Variants in LRRFIP2 observed in about 807,000 individuals in gnomAD.
LRRFIP2 encodes LRR binding FLII interacting protein 2.
In LRRFIP2, 109 loss-of-function variants were observed where a neutral mutation model predicts 125.9. That is an observed-to-expected ratio of 0.87 (90% CI 0.74 to 1.01). The LOEUF is 1.01. Ranked by LOEUF, LRRFIP2 falls within the 50% of genes least tolerant of loss-of-function variation. The pLI, the probability that LRRFIP2 is intolerant of heterozygous loss-of-function variation, is 0.00. For synonymous variants in LRRFIP2, 291 were observed against 293.1 expected (o/e 0.99, Z 0.07); for missense variants, 850 against 862.3 (o/e 0.99, Z 0.18).
intron 22 of LRRFIP2, 128 bp downstream of exon 22, chr3:37,066,096 T>C: frequency 7.6e-7 from 1 of 1,317,354 alleles, no homozygotes; most frequent in Non-Finnish European, 1.1e-6. Flanking sequence ...AGCTTCAACC[T>C]ACCAAATCTG....
chr3:37,104,330 ATTAT>A (rs2094212050), intron 14 of LRRFIP2, among the ~76,000 whole-genome samples: 2 of 152,200 alleles, frequency 1.3e-5, no homozygotes. Context: ...CCCAAGCATC[ATTAT>A]TTAAAGTCCC....
chr3:37,117,008 T>C (rs910744524), intron 6 of LRRFIP2, among the ~76,000 whole-genome samples: 2 of 152,004 alleles, frequency 1.3e-5, no homozygotes, highest in African/African-American at 4.8e-5. Flanking sequence ...TGCGTAATAG[T>C]ATGCATTTAA....
At chr3:37,084,923 A>G (rs1286532599) in intron 18 of LRRFIP2, among the ~76,000 whole-genome samples, 1 of 152,206 alleles carries the variant, frequency 6.6e-6, no homozygotes, top group Non-Finnish European at 1.5e-5. Context: ...TACTAGCACA[A>G]ATGTTTATCA....
chr3:37,146,310 A>C (rs1046512937), intron 2 of LRRFIP2, among the ~76,000 whole-genome samples: 1 of 152,070 alleles, frequency 6.6e-6, no homozygotes, highest in Admixed American at 6.5e-5. Flanking sequence ...AAAATATCTC[A>C]CTGATTTTTA....
chr3:37,082,821 G>T (rs1349643237), intron 19 of LRRFIP2, among the ~76,000 whole-genome samples: 1 of 152,024 alleles, frequency 6.6e-6, no homozygotes, highest in Admixed American at 6.6e-5. Flanking sequence ...TAATAATGTT[G>T]GTCTCCTACA....
intron 2 of LRRFIP2, among the ~76,000 whole-genome samples, chr3:37,147,577 C>A (rs1029380731): frequency 1.3e-5 from 2 of 152,148 alleles, no homozygotes; most frequent in African/African-American, 4.8e-5. Flanking sequence ...CAAAAGCTAA[C>A]TGAGCAGCTT....
At chr3:37,155,938 G>A (rs987567485) in intron 1 of LRRFIP2, among the ~76,000 whole-genome samples, 5 of 152,040 alleles carry the variant, frequency 3.3e-5, no homozygotes, top group South Asian at 2.1e-4. Flanking sequence ...GCAATAGTGC[G>A]ACCTTGGCTC....
At chr3:37,161,499 G>A (rs1396749350) in intron 1 of LRRFIP2, among the ~76,000 whole-genome samples, 1 of 152,138 alleles carries the variant, frequency 6.6e-6, no homozygotes, top group East Asian at 1.9e-4. Context: ...GTCCAGAATA[G>A]GTAAATCCAT....
At chr3:37,105,349 G>C (rs2094264918) in intron 14 of LRRFIP2, 106 bp downstream of exon 14, 1 of 893,624 alleles carries the variant, frequency 1.1e-6, no homozygotes, top group African/African-American at 1.7e-5. Context: ...TGAGGAAAAT[G>C]CTCTTTTTGT....
At chr3:37,073,246 T>C (rs2091546130) in intron 20 of LRRFIP2, among the ~76,000 whole-genome samples, 1 of 152,206 alleles carries the variant, frequency 6.6e-6, no homozygotes, top group African/African-American at 2.4e-5. Flanking sequence ...AGAGGGAAAT[T>C]TAGGTTTGCT....
At chr3:37,117,347 AT>A (rs1386121195) in intron 6 of LRRFIP2, among the ~76,000 whole-genome samples, 1 of 152,094 alleles carries the variant, frequency 6.6e-6, no homozygotes, top group Non-Finnish European at 1.5e-5. Flanking sequence ...CCAAAATATA[AT>A]GTAGAATTCA....
intron 2 of LRRFIP2, among the ~76,000 whole-genome samples, chr3:37,136,380 T>C (rs2095555416): frequency 6.6e-6 from 1 of 152,212 alleles, no homozygotes; most frequent in Non-Finnish European, 1.5e-5. Context: ...CACATCTTTG[T>C]GAATATATTA....
chr3:37,056,747 C>T (rs2087002141), intron 25 of LRRFIP2, among the ~76,000 whole-genome samples: 1 of 152,166 alleles, frequency 6.6e-6, no homozygotes, highest in Non-Finnish European at 1.5e-5. Flanking sequence ...TGGACAATTA[C>T]TGTCACCTTA....
In LRRFIP2 at chr3:37,078,671, A is replaced by T. The variant is rs115366070; in HGVS notation, c.1279-3555T>A. Among the ~76,000 whole-genome samples the T allele has an allele frequency of 4.5e-3, 681 of 152,308 alleles. 4 individuals are homozygous for T. The highest frequency in any genetic ancestry group is 0.037 in the Middle Eastern group (11 of 294). On this transcript the variant is annotated intron_variant, in intron 19 of 27. Coordinates refer to ENST00000336686, the MANE Select transcript of LRRFIP2 (RefSeq NM_006309.4). ...ATTTATCCACTGAAAAGACCCATAA[A>T]CACTGACCTACTTGGTGGCAATGAG...
intron 2 of LRRFIP2, among the ~76,000 whole-genome samples, chr3:37,148,314 A>G (rs190380684): frequency 6.5e-4 from 99 of 152,350 alleles, no homozygotes; most frequent in Admixed American, 2.3e-3. Context: ...ATTAAATTAC[A>G]GTCATGAGAT....
chr3:37,084,615 G>A (rs1324305991), intron 18 of LRRFIP2, among the ~76,000 whole-genome samples: 1 of 152,098 alleles, frequency 6.6e-6, no homozygotes, highest in African/African-American at 2.4e-5. Context: ...ACAGTAAGCA[G>A]AGATTGTGCC....
intron 15 of LRRFIP2, among the ~76,000 whole-genome samples, chr3:37,100,768 G>A (rs902670584): frequency 1.3e-5 from 2 of 152,064 alleles, no homozygotes; most frequent in African/African-American, 2.4e-5. Flanking sequence ...CCATACTTAT[G>A]GGGGAAAAAC....
chr3:37,065,902 C>T lies in LRRFIP2; in HGVS notation c.1607G>A (p.Gly536Asp). The T allele has an allele frequency of 1.2e-6, 2 of 1,614,134 alleles. 1 individual carries two copies. Among genetic ancestry groups the T allele is most frequent in the South Asian group, 2.2e-5 (2 of 91,086 alleles). ...LVIIPDGTPN[G>D]DVSHEPVAGA... ...AGCCACTGGTTCATGACTGACATCA[C>T]CATTGGGAGTGCCATCGGGGATTAT... Residue 536 changes from glycine (G) to aspartate (D), a missense_variant, in exon 23 of 28, where the codon GGT becomes GAT. By Grantham distance (94) the Gly-to-Asp change is moderately conservative. Coordinates refer to ENST00000336686, the MANE Select transcript of LRRFIP2 (RefSeq NM_006309.4).
chr3:37,108,652 A>T lies in LRRFIP2; in HGVS notation c.642T>A (p.Pro214=), dbSNP rs1431872931. ...TTAGACTTACAGTTCGAGGACCATA[A>T]GGGTTATATAATCCACCATTGTACA... The part of the protein sequence containing the change: ...ASLYNGGLYN[P]YGPRTPSECS... Residue 214 remains proline, a synonymous_variant, in exon 12 of 28, where the codon CCT becomes CCA. Coordinates refer to ENST00000336686, the MANE Select transcript of LRRFIP2 (RefSeq NM_006309.4). 6.2e-7 allele frequency: 1 copy of T among 1,610,102 alleles called. No individual in the cohort carries two copies.
Sources: gnomAD v4.1 joint callset for allele counts (sites outside exome capture counted in the v4.1 genomes callset) on GRCh38, gnomAD v4.1.1 for gene constraint, MANE v1.5 for transcripts, NCBI Gene and HGNC (gene_info 2026-07-23, HGNC 2026-07-21) for gene names.